Variants in SPATA7 observed in about 807,000 individuals in gnomAD.
The protein encoded by SPATA7 is spermatogenesis-associated protein 7.
SPATA7 carries 43 observed loss-of-function variants against 51.8 expected under a neutral mutation model. The ratio of observed to expected loss-of-function variants is 0.83; its 90% CI spans 0.65 to 1.07. The LOEUF (loss-of-function observed/expected upper bound fraction) is 1.07, where lower values mean the gene tolerates loss of function less well. Ranked by LOEUF, SPATA7 falls within the 50% of genes least tolerant of loss-of-function variation. The pLI, the probability that SPATA7 is intolerant of heterozygous loss-of-function variation, is 0.00. For missense variants in SPATA7, 683 were observed against 701.3 expected (o/e 0.97, Z 0.30); for synonymous variants, 230 against 252.8 (o/e 0.91, Z 0.86).
chr14:88,421,138 C>T (rs1351093692), intron 5 of SPATA7, among the ~76,000 whole-genome samples: 2 of 151,942 alleles, frequency 1.3e-5, no homozygotes, highest in African/African-American at 4.8e-5. Flanking sequence ...TAATTAATAA[C>T]AGTTCTTTAA....
chr14:88,469,540 C>T lies in SPATA7; in HGVS notation c.255-307C>T, dbSNP rs1566804360. The T allele has an allele frequency of 6.2e-7, 1 of 1,614,148 alleles. No individual in the cohort carries two copies. The highest frequency in any genetic ancestry group is 1.1e-5 in the South Asian group (1 of 91,080). ...GTCTTCTGGACAGCCATGTTCAGGCCAGTCTGTGTATTGGAGGTGCCAGAC... is the reference window on the plus strand; with the variant it reads ...GTCTTCTGGACAGCCATGTTCAGGCTAGTCTGTGTATTGGAGGTGCCAGAC... On this transcript the variant is annotated intron_variant, in intron 4 of 4. Coordinates refer to the SPATA7 transcript ENST00000556406. The surrounding 1 kb of genome is among the most constrained non-coding windows in gnomAD (Gnocchi z 4.3).
Position 88,415,493 on chromosome 14 carries a change from G to GT in SPATA7, c.239-1209dup, listed in dbSNP as rs1001085163. Among the ~76,000 whole-genome samples, 32 of 147,988 alleles carry GT rather than the reference G, an allele frequency of 2.2e-4. 1 individual carries two copies. Among genetic ancestry groups the GT allele is most frequent in the Middle Eastern group, 3.4e-3 (1 of 292 alleles). On this transcript the variant is annotated intron_variant, in intron 4 of 11. Coordinates refer to ENST00000393545, the MANE Select transcript of SPATA7 (RefSeq NM_018418.5). ...AGTAGAAGGTTGGGTCTTGTTTTTT[G>GT]TTTTTTTTTAAATAAAATATTATTT...
chr14:88,426,313 CCCT>C lies in SPATA7; in HGVS notation c.456_458del (p.Ser154del). On this transcript the variant is annotated inframe_deletion, in exon 6 of 12. Coordinates refer to ENST00000393545, the MANE Select transcript of SPATA7 (RefSeq NM_018418.5). ...TTCATCCTTTGCAAGGTCACTAGTACCCTCTTCAGAGAGACTACACCTAAGTCT... is the reference window on the plus strand; with the variant it reads ...TTCATCCTTTGCAAGGTCACTAGTACCTTCAGAGAGACTACACCTAAGTCT... 1.2e-6 allele frequency: 2 copies of C among 1,613,954 alleles called. No individual in the cohort carries two copies. The highest frequency in any genetic ancestry group is 1.7e-6 in the Non-Finnish European group (2 of 1,179,912).
intron 3 of SPATA7, among the ~76,000 whole-genome samples, chr14:88,450,819 C>G (rs1008649024): frequency 1.3e-5 from 2 of 152,130 alleles, no homozygotes; most frequent in African/African-American, 4.8e-5. Flanking sequence ...GTTCTTTGAA[C>G]TTCTTGTATG....
intron 4 of SPATA7, among the ~76,000 whole-genome samples, chr14:88,464,438 G>A (rs1204112141): frequency 6.6e-6 from 1 of 152,092 alleles, no homozygotes; most frequent in Non-Finnish European, 1.5e-5. Context: ...CCTTTAAAAA[G>A]TCTGACTTAC....
At chr14:88,448,498 C>T (rs1311054964) in intron 3 of SPATA7, among the ~76,000 whole-genome samples, 1 of 152,222 alleles carries the variant, frequency 6.6e-6, no homozygotes, top group Admixed American at 6.5e-5. Flanking sequence ...CAAAGTCATT[C>T]TCCGTCCAGC....
chr14:88,395,593 A>T (rs539016894), intron 3 of SPATA7, among the ~76,000 whole-genome samples: 3 of 152,034 alleles, frequency 2.0e-5, no homozygotes, highest in South Asian at 2.1e-4. Flanking sequence ...ATATGGTGTG[A>T]TATAAGGGTT....
At chr14:88,422,749 C>T (rs954067743) in intron 5 of SPATA7, among the ~76,000 whole-genome samples, 2 of 151,704 alleles carry the variant, frequency 1.3e-5, no homozygotes, top group African/African-American at 4.8e-5. Context: ...TTTTTATTGA[C>T]TCCATTTAGG....
intron 5 of SPATA7, among the ~76,000 whole-genome samples, chr14:88,420,943 G>A (rs1417566455): frequency 2.0e-5 from 3 of 151,750 alleles, no homozygotes; most frequent in African/African-American, 2.4e-5. Context: ...GTGAAACCTC[G>A]TCTCTACTAA....
At chr14:88,406,792 T>A (rs1250412434) in intron 4 of SPATA7, 1 of 152,188 alleles carries the variant, frequency 6.6e-6, no homozygotes, top group African/African-American at 2.4e-5. Context: ...CAGTGTGTGA[T>A]GTTCCCCTCC....
At chr14:88,467,556 A>G (rs1282876304) in intron 4 of SPATA7, 1 of 152,246 alleles carries the variant, frequency 6.6e-6, no homozygotes, top group African/African-American at 2.4e-5. Context: ...TCAAAATAAC[A>G]CAGATTCTCA....
chr14:88,448,949 C>G (rs1173501095), intron 3 of SPATA7, among the ~76,000 whole-genome samples: 1 of 152,200 alleles, frequency 6.6e-6, no homozygotes, highest in Non-Finnish European at 1.5e-5. Flanking sequence ...TTTGGATCTT[C>G]TCTCCTTTTC....
downstream of SPATA7, among the ~76,000 whole-genome samples, chr14:88,455,607 G>A (rs1003004484): frequency 5.9e-5 from 9 of 151,694 alleles, no homozygotes; most frequent in Admixed American, 5.3e-4. Context: ...CAGTTTAGAA[G>A]AATTAAGCTC....
chr14:88,396,113 T>C, intron 3 of SPATA7, 43 bp from the exon 4 acceptor site: 1 of 1,517,828 alleles, frequency 6.6e-7, no homozygotes, highest in African/African-American at 1.4e-5. Context: ...TTGTCATTTA[T>C]AAATACTGAC....
intron 10 of SPATA7, among the ~76,000 whole-genome samples, chr14:88,436,964 T>C (rs1315547155): frequency 2.0e-5 from 3 of 152,118 alleles, no homozygotes; most frequent in Non-Finnish European, 4.4e-5. Context: ...CTGTGAATAA[T>C]GTCACTGGTA....
chr14:88,444,846 C>A (rs933065057), intron 3 of SPATA7, among the ~76,000 whole-genome samples: 18 of 152,272 alleles, frequency 1.2e-4, no homozygotes, highest in South Asian at 2.1e-4. Context: ...TGATCTATAT[C>A]TCTGTTTTGG....
At chr14:88,401,327 T>C (rs2076050812) in intron 4 of SPATA7, among the ~76,000 whole-genome samples, 1 of 152,066 alleles carries the variant, frequency 6.6e-6, no homozygotes, top group South Asian at 2.1e-4. Flanking sequence ...CTCAACAAAA[T>C]AGGAATAGAA....
chr14:88,419,226 T>TACATTAGAG (rs1372537035), intron 5 of SPATA7, among the ~76,000 whole-genome samples: 4 of 152,114 alleles, frequency 2.6e-5, no homozygotes, highest in Non-Finnish European at 5.9e-5. Context: ...TGCATGTTAT[T>TACATTAGAG]ACATTAGAGA....
intron 8 of SPATA7, 148 bp downstream of exon 8, chr14:88,429,611 C>A: frequency 1.9e-5 from 9 of 484,286 alleles, no homozygotes; most frequent in South Asian, 4.6e-5. Flanking sequence ...TTTAGTTTTA[C>A]CAAGGAAATT....
Sources: allele counts gnomAD v4.1 joint callset (sites outside exome capture counted in the v4.1 genomes callset), GRCh38; gene constraint gnomAD v4.1.1; non-coding constraint Gnocchi (gnomAD v3.1); transcripts MANE v1.5; gene names NCBI Gene and HGNC (gene_info 2026-07-23, HGNC 2026-07-21).